TNS3: variants seen among roughly 807,000 people sequenced by gnomAD.
TNS3 encodes tensin-3.
Under a neutral mutation model 140.9 loss-of-function variants are expected in TNS3, and 45 were observed. The observed-to-expected ratio is 0.32, with a 90% CI of 0.25 to 0.41. TNS3 has a LOEUF of 0.41. Among genes scored for constraint, TNS3 ranks in the 10% least tolerant of loss-of-function variants. The pLI, the probability that TNS3 is intolerant of heterozygous loss-of-function variation, is 1.00. For missense variants in TNS3, 1,716 were observed against 1,906.7 expected (o/e 0.90, Z 1.86); for synonymous variants, 815 against 788.4 (o/e 1.03, Z -0.56).
chr7:47,538,346 C>T (rs1036474635), intron 1 of TNS3, among the ~76,000 whole-genome samples: 2 of 152,002 alleles, frequency 1.3e-5, no homozygotes, highest in African/African-American at 4.8e-5. Flanking sequence ...GGAAGAGACC[C>T]CTGCCTCAGA....
chr7:47,344,929 G>A lies in TNS3; in HGVS notation c.2561C>T (p.Pro854Leu), dbSNP rs370229723. The A allele has an allele frequency of 6.2e-7, 1 of 1,613,220 alleles. No individual in the cohort carries two copies. Among genetic ancestry groups the A allele is most frequent in the African/African-American group, 1.3e-5 (1 of 74,912 alleles). ...TPAFPVSPET[P>L]YVKTALRHPP... ...TAGTGTTACTTCATTCTTACCATACGGTGTCTCTGGAGACACAGGAAATGC... is the reference window on the plus strand; with the variant it reads ...TAGTGTTACTTCATTCTTACCATACAGTGTCTCTGGAGACACAGGAAATGC... Residue 854 changes from proline to leucine, a missense_variant, in exon 19 of 31, where the codon CCG becomes CTG. Physicochemically the swap from Pro to Leu is moderately conservative, Grantham distance 98. Coordinates refer to ENST00000311160, the MANE Select transcript of TNS3 (RefSeq NM_022748.12).
chr7:47,288,987 T>C (rs1040160164), intron 27 of TNS3, among the ~76,000 whole-genome samples: 8 of 152,152 alleles, frequency 5.3e-5, no homozygotes, highest in African/African-American at 1.7e-4. Flanking sequence ...CACTTGCAAT[T>C]TGGGGCAAGC....
chr7:47,278,070 G>A lies in TNS3; in HGVS notation c.*6C>T, dbSNP rs939209332. Reference sequence around the variant, plus strand: ...CATCGGTGGGTCCAGGGAGGGAGGGGAGTTCTCAGACCTTCTTTGGGGAAC... The same window carrying A: ...CATCGGTGGGTCCAGGGAGGGAGGGAAGTTCTCAGACCTTCTTTGGGGAAC... On this transcript the variant is annotated 3_prime_UTR_variant, in exon 31 of 31. Transcript: ENST00000311160. 6.2e-7 allele frequency: 1 copy of A among 1,613,886 alleles called. No individual in the cohort carries two copies. The highest frequency in any genetic ancestry group is 1.3e-5 in the African/African-American group (1 of 74,934).
intron 23 of TNS3, 87 bp from the exon 24 acceptor site, chr7:47,297,300 C>T: frequency 1.3e-6 from 2 of 1,486,652 alleles, no homozygotes; most frequent in Non-Finnish European, 1.8e-6. Flanking sequence ...GTCCTCTCCC[C>T]TTACTCTTTT....
At chr7:47,310,547 T>TA (rs1787029111) in intron 20 of TNS3, among the ~76,000 whole-genome samples, 2 of 151,868 alleles carry the variant, frequency 1.3e-5, no homozygotes, top group African/African-American at 2.4e-5. Flanking sequence ...TATTTAATTG[T>TA]AAAAAAATGA....
intron 13 of TNS3, chr7:47,405,432 G>T (rs1435998743): frequency 2.9e-6 from 2 of 691,498 alleles, no homozygotes; most frequent in Non-Finnish European, 5.3e-6. Flanking sequence ...CATATTTGGA[G>T]GGTAAAAAGT....
chr7:47,377,938 T>C (rs1449780181), intron 16 of TNS3, among the ~76,000 whole-genome samples: 1 of 152,178 alleles, frequency 6.6e-6, no homozygotes, highest in Non-Finnish European at 1.5e-5. Context: ...ATTGGAGTGA[T>C]TCATGTGCAC....
intron 4 of TNS3, among the ~76,000 whole-genome samples, chr7:47,478,558 T>C (rs1245868311): frequency 6.6e-6 from 1 of 152,172 alleles, no homozygotes; most frequent in Non-Finnish European, 1.5e-5. Context: ...ATTAAAAACC[T>C]ACACACATTA....
intron 1 of TNS3, among the ~76,000 whole-genome samples, chr7:47,534,039 C>T (rs6964063): frequency 6.6e-6 from 1 of 151,790 alleles, no homozygotes; most frequent in Admixed American, 6.6e-5. Flanking sequence ...TTTGGGACGC[C>T]GAGGCGGGTT....
intron 2 of TNS3, among the ~76,000 whole-genome samples, chr7:47,526,296 T>C (rs1020398219): frequency 1.3e-5 from 2 of 152,222 alleles, no homozygotes; most frequent in African/African-American, 4.8e-5. Flanking sequence ...TGGTAAGTTG[T>C]GCAAAAGGCC....
intron 1 of TNS3, among the ~76,000 whole-genome samples, chr7:47,559,798 G>A (rs1800286078): frequency 6.6e-6 from 1 of 152,210 alleles, no homozygotes; most frequent in South Asian, 2.1e-4. Flanking sequence ...GCAATGGGCA[G>A]CCTGGGGACC....
intron 22 of TNS3, 73 bp from the exon 23 acceptor site, chr7:47,302,345 C>A: frequency 8.0e-7 from 1 of 1,252,068 alleles, no homozygotes; most frequent in South Asian, 1.2e-5. Flanking sequence ...CTGCTGTGAT[C>A]CCAGAAGTCC....
intron 1 of TNS3, among the ~76,000 whole-genome samples, chr7:47,530,838 A>ATAT (rs1554350246): frequency 0.011 from 605 of 54,534 alleles, 34 homozygotes; most frequent in African/African-American, 0.044. Flanking sequence ...AAAAAAAAAA[A>ATAT]ATATATATAT....
intron 3 of TNS3, among the ~76,000 whole-genome samples, chr7:47,502,696 C>T (rs73095182): frequency 0.16 from 23,696 of 152,196 alleles, 2,261 homozygotes; most frequent in East Asian, 0.31. Context: ...AGCTGGAGAG[C>T]GGGGAAAGGC....
chr7:47,441,795 G>A (rs1795478865), intron 5 of TNS3, among the ~76,000 whole-genome samples: 1 of 152,212 alleles, frequency 6.6e-6, no homozygotes, highest in African/African-American at 2.4e-5. Flanking sequence ...AATCACAGGT[G>A]TTTCTACCAC....
At chr7:47,443,479 G>C (rs1222457795) in intron 4 of TNS3, among the ~76,000 whole-genome samples, 1 of 152,124 alleles carries the variant, frequency 6.6e-6, no homozygotes, top group Non-Finnish European at 1.5e-5. Context: ...GCCTTTCACA[G>C]CTCAGACTAG....
intron 20 of TNS3, among the ~76,000 whole-genome samples, chr7:47,319,152 C>T (rs538301843): frequency 2.0e-5 from 3 of 152,302 alleles, no homozygotes; most frequent in Admixed American, 6.5e-5. Flanking sequence ...TATATAGGAA[C>T]AACCGAGGCT....
At chr7:47,534,107 C>A (rs6964204) in intron 1 of TNS3, among the ~76,000 whole-genome samples, 45,634 of 151,652 alleles carry the variant, frequency 0.3, 7,514 homozygotes, top group East Asian at 0.46. Flanking sequence ...AACCCCGTCT[C>A]TACTAAAAAT....
chr7:47,461,518 C>T (rs1796489719), intron 4 of TNS3, among the ~76,000 whole-genome samples: 1 of 152,150 alleles, frequency 6.6e-6, no homozygotes, highest in African/African-American at 2.4e-5. Context: ...ACCGAAGGGG[C>T]CCAGGGCCTT....
Sources: allele counts gnomAD v4.1 joint callset (sites outside exome capture counted in the v4.1 genomes callset), GRCh38; gene constraint gnomAD v4.1.1; transcripts MANE v1.5; gene names NCBI Gene and HGNC (gene_info 2026-07-23, HGNC 2026-07-21).